Variants in MARCHF1 observed in about 807,000 individuals in gnomAD.
MARCHF1 encodes membrane associated ring-CH-type finger 1, also known as E3 ubiquitin-protein ligase MARCHF1.
In MARCHF1, 40 loss-of-function variants were observed where a neutral mutation model predicts 54.2. The observed-to-expected ratio is 0.74, with a 90% CI of 0.57 to 0.96. The LOEUF (loss-of-function observed/expected upper bound fraction) is 0.96. Among genes scored for constraint, MARCHF1 ranks in the 40% least tolerant of loss-of-function variants. The probability of loss-of-function intolerance (pLI) is 0.00; values close to 1 mark genes in which losing one functional copy is unlikely to be tolerated. For missense variants in MARCHF1, 586 were observed against 656.5 expected (o/e 0.89, Z 1.17); for synonymous variants, 236 against 236.3 (o/e 1.00, Z 0.01).
chr4:163,986,286 G>A (rs1394390794), intron 3 of MARCHF1, among the ~76,000 whole-genome samples: 1 of 28,292 alleles, frequency 3.5e-5, no homozygotes, highest in Middle Eastern at 0.042. Flanking sequence ...TTTTTGAGAT[G>A]GAGTGTCTCG....
intron 1 of MARCHF1, among the ~76,000 whole-genome samples, chr4:164,227,949 GA>G (rs1201083685): frequency 6.6e-6 from 1 of 152,064 alleles, no homozygotes; most frequent in Non-Finnish European, 1.5e-5. Flanking sequence ...TTGCTTCCCA[GA>G]AATGTAACCT....
chr4:163,880,224 A>G (rs191198190), intron 3 of MARCHF1, among the ~76,000 whole-genome samples: 180 of 151,810 alleles, frequency 1.2e-3, no homozygotes, highest in African/African-American at 4.1e-3. Flanking sequence ...TGATCAATAC[A>G]TTAGCAACCA....
At chr4:164,065,300 T>C (rs1754703421) in intron 2 of MARCHF1, among the ~76,000 whole-genome samples, 1 of 152,134 alleles carries the variant, frequency 6.6e-6, no homozygotes, top group Admixed American at 6.5e-5. Flanking sequence ...TCAAGATGAA[T>C]TAAAGACTTA....
intron 1 of MARCHF1, among the ~76,000 whole-genome samples, chr4:164,244,071 A>G (rs1225906962): frequency 2.0e-5 from 3 of 152,246 alleles, no homozygotes; most frequent in South Asian, 4.1e-4. Context: ...TAACAAGGAT[A>G]TCCAGGAATT....
At chr4:163,727,066 T>G (rs1349495498) in intron 4 of MARCHF1, among the ~76,000 whole-genome samples, 1 of 152,228 alleles carries the variant, frequency 6.6e-6, no homozygotes, top group East Asian at 1.9e-4. Context: ...AAGTTTTAAA[T>G]TTTAATGAAG....
chr4:163,912,743 G>C (rs559651873), intron 3 of MARCHF1, among the ~76,000 whole-genome samples: 2 of 152,318 alleles, frequency 1.3e-5, no homozygotes, highest in Admixed American at 1.3e-4. Context: ...GGCTGCATAA[G>C]AGTGGCATTT....
chr4:163,803,293 C>A (rs1428276954), intron 4 of MARCHF1, among the ~76,000 whole-genome samples: 1 of 152,130 alleles, frequency 6.6e-6, no homozygotes, highest in African/African-American at 2.4e-5. Flanking sequence ...CCCGCCTCAA[C>A]CTCTTGAGTA....
intron 5 of MARCHF1, among the ~76,000 whole-genome samples, chr4:163,666,066 T>C (rs1743522359): frequency 6.6e-6 from 1 of 152,156 alleles, no homozygotes. Flanking sequence ...TTAAGCATTG[T>C]ATATACATCA....
intron 5 of MARCHF1, among the ~76,000 whole-genome samples, chr4:163,700,566 AAGG>A (rs1744780427): frequency 6.6e-6 from 1 of 151,092 alleles, no homozygotes; most frequent in Non-Finnish European, 1.5e-5. Flanking sequence ...GGAAGGAAGG[AAGG>A]AAGGAAGGAA....
intron 1 of MARCHF1, among the ~76,000 whole-genome samples, chr4:164,256,560 A>T (rs576495386): frequency 1.5e-4 from 23 of 151,660 alleles, no homozygotes; most frequent in Middle Eastern, 3.4e-3. Flanking sequence ...GAATTTTTTT[A>T]AAAAAAGAAG....
intron 4 of MARCHF1, among the ~76,000 whole-genome samples, chr4:163,772,606 A>G (rs896877964): frequency 1.3e-5 from 2 of 152,162 alleles, no homozygotes; most frequent in African/African-American, 4.8e-5. Flanking sequence ...GAATACCTAC[A>G]ATCCTTGCCA....
At chr4:163,988,198 T>C (rs1752906113) in intron 3 of MARCHF1, among the ~76,000 whole-genome samples, 1 of 152,206 alleles carries the variant, frequency 6.6e-6, no homozygotes, top group Non-Finnish European at 1.5e-5. Context: ...AACAGCCGGT[T>C]GTAACCCACA....
At chr4:163,984,406 A>T (rs1313991367) in intron 3 of MARCHF1, among the ~76,000 whole-genome samples, 1 of 152,138 alleles carries the variant, frequency 6.6e-6, no homozygotes, top group East Asian at 1.9e-4. Context: ...GAAGCAAATA[A>T]CTCATGTTTT....
intron 5 of MARCHF1, among the ~76,000 whole-genome samples, chr4:163,696,651 C>T (rs1744644024): frequency 6.6e-6 from 1 of 152,154 alleles, no homozygotes; most frequent in Admixed American, 6.5e-5. Context: ...AAAACCCTTA[C>T]AAAGTATTTT....
chr4:163,888,332 T>C lies in MARCHF1; in HGVS notation c.-38-34163A>G, dbSNP rs115201828. On this transcript the variant is annotated intron_variant, in intron 3 of 9. Coordinates refer to ENST00000514618, the MANE Select transcript of MARCHF1 (RefSeq NM_001394959.1). ...ACACAGGCACAGGGTAGAGAGGGAA[T>C]AGTCTTATTAGACATGGAAACAAAA... 2.7e-3 allele frequency among the ~76,000 whole-genome samples: 410 copies of C among 152,272 alleles called. 4 individuals carry two copies. The highest frequency in any genetic ancestry group is 9.0e-3 in the African/African-American group (376 of 41,554).
In MARCHF1 at chr4:163,612,820, T is replaced by G. The variant is rs1156256021; in HGVS notation, c.461A>C (p.Glu154Ala). ...TGAATCTGAAGAATCTGTGTAAAGC[T>G]CCCTCCACCTGGGGCTTGAGATTTG... ...HLQISSPRWR[E>A]LYTDSSDSSS... The change falls in exon 7 of 10, where the codon GAG (glutamate) becomes GCG (alanine). Residue 154 changes from glutamate (E) to alanine (A), a missense_variant. By Grantham distance (107) the Glu-to-Ala change is moderately radical. Coordinates refer to ENST00000514618, the MANE Select transcript of MARCHF1 (RefSeq NM_001394959.1). 6.5e-7 allele frequency: 1 copy of G among 1,535,190 alleles called. No homozygotes were observed. The highest frequency in any genetic ancestry group is 2.4e-5 in the East Asian group (1 of 40,886).
At chr4:163,815,495 T>C (rs1748509089) in intron 4 of MARCHF1, among the ~76,000 whole-genome samples, 2 of 152,146 alleles carry the variant, frequency 1.3e-5, no homozygotes, top group South Asian at 2.1e-4. Flanking sequence ...TCGGTGCTAC[T>C]GATAAAAGTA....
Position 163,696,329 on chromosome 4 carries a change from A to G in MARCHF1, c.162+4484T>C, listed in dbSNP as rs78428368. On this transcript the variant is annotated intron_variant, in intron 5 of 9. Transcript: ENST00000514618. ...CATGTTTGGAATTTTTTACTTTCAC[A>G]GTAGCAAGATCATGTTTATAAGACA... Among the ~76,000 whole-genome samples, 1,074 of 152,324 alleles carry G rather than the reference A, an allele frequency of 7.1e-3. 9 individuals carry two copies. The highest frequency in any genetic ancestry group is 0.028 in the East Asian group (144 of 5,190).
chr4:164,196,942 C>T (rs1864598), intron 1 of MARCHF1: 18 of 1,590,580 alleles, frequency 1.1e-5, no homozygotes, highest in Non-Finnish European at 1.5e-5. Flanking sequence ...AGTCAAATCA[C>T]AATAGGAATT....
Sources: gnomAD v4.1 joint callset for allele counts (sites outside exome capture counted in the v4.1 genomes callset) on GRCh38, gnomAD v4.1.1 for gene constraint, MANE v1.5 for transcripts, NCBI Gene and HGNC (gene_info 2026-07-23, HGNC 2026-07-21) for gene names.